The following FOXN2 variants were observed in gnomAD, a reference collection of about 807,000 sequenced individuals.
FOXN2 encodes the protein forkhead box protein N2.
In FOXN2, 19 loss-of-function variants were observed where a neutral mutation model predicts 41.2. The ratio of observed to expected loss-of-function variants is 0.46; its 90% confidence interval spans 0.32 to 0.68. FOXN2 has a LOEUF of 0.68. FOXN2 is among the 30% of genes least tolerant of loss of function. The probability of loss-of-function intolerance (pLI) is 0.03; values close to 1 mark genes in which losing one functional copy is unlikely to be tolerated. For missense variants in FOXN2, 587 were observed against 509.4 expected (o/e 1.15, Z -1.47); for synonymous variants, 195 against 176.8 (o/e 1.10, Z -0.82).
In FOXN2 at chr2:48,377,285, G is replaced by A. The variant is rs915108100; in HGVS notation, c.*1842G>A. The A allele has an allele frequency of 6.6e-6, 1 of 151,692 alleles. No individual in the cohort carries two copies. Among genetic ancestry groups the A allele is most frequent in the African/African-American group, 2.4e-5 (1 of 41,344 alleles). The allele number at this position is 151,692 out of a possible 1,614,324, so 9.4% of individuals were successfully genotyped here. A position where few individuals can be genotyped will look rare whatever the true frequency, so the allele number is the denominator to read the frequency against. ...ACCAAGTTAACTTTTATTATAGACA[G>A]TGAATAAAACACCAAAAACCCAAAA... is the stretch of plus-strand genomic sequence containing the variant. On this transcript the variant is annotated 3_prime_UTR_variant, in exon 7 of 7. Transcript: ENST00000340553.
At chr2:48,367,125 T>C (rs1433129809) in intron 5 of FOXN2, among the ~76,000 whole-genome samples, 1 of 152,136 alleles carries the variant, frequency 6.6e-6, no homozygotes, top group Non-Finnish European at 1.5e-5. Flanking sequence ...GACTTTTATG[T>C]GACAGTATCA....
intron 2 of FOXN2, among the ~76,000 whole-genome samples, chr2:48,344,843 C>CCG (rs1239910166): frequency 1.4e-5 from 1 of 70,954 alleles, no homozygotes; most frequent in Non-Finnish European, 4.0e-5. Context: ...TGGAGGTACC[C>CCG]CCCCCCCCCA....
At chr2:48,351,548 G>A (rs901217539) in intron 3 of FOXN2, among the ~76,000 whole-genome samples, 1 of 152,136 alleles carries the variant, frequency 6.6e-6, no homozygotes, top group African/African-American at 2.4e-5. Flanking sequence ...CCTGAGGTGG[G>A]GACATGGGAT....
chr2:48,333,565 A>G (rs1670156810), intron 2 of FOXN2, among the ~76,000 whole-genome samples: 1 of 152,192 alleles, frequency 6.6e-6, no homozygotes, highest in South Asian at 2.1e-4. Flanking sequence ...CATTAAATTC[A>G]TGTCCCTTAA....
chr2:48,316,153 A>C (rs1329769476), intron 1 of FOXN2, among the ~76,000 whole-genome samples: 1 of 151,660 alleles, frequency 6.6e-6, no homozygotes, highest in Non-Finnish European at 1.5e-5. Context: ...AAGCTGAACC[A>C]TTCATGCCTG....
chr2:48,350,579 T>C (rs2104401430), intron 3 of FOXN2, among the ~76,000 whole-genome samples: 1 of 152,354 alleles, frequency 6.6e-6, no homozygotes, highest in South Asian at 2.1e-4. Flanking sequence ...GTGTCTGTCC[T>C]ACACCACTAT....
At chr2:48,372,015 T>G (rs1672929078) in intron 5 of FOXN2, among the ~76,000 whole-genome samples, 1 of 152,170 alleles carries the variant, frequency 6.6e-6, no homozygotes, top group Non-Finnish European at 1.5e-5. Flanking sequence ...CATAGATGCC[T>G]TTTATTTCTT....
intron 1 of FOXN2, among the ~76,000 whole-genome samples, chr2:48,321,025 C>A (rs1299158430): frequency 6.6e-6 from 1 of 151,842 alleles, no homozygotes; most frequent in African/African-American, 2.4e-5. Flanking sequence ...TTTTAACTTG[C>A]CCCAAAGCAA....
intron 2 of FOXN2, among the ~76,000 whole-genome samples, chr2:48,333,015 T>C (rs1477291044): frequency 2.6e-5 from 4 of 152,192 alleles, no homozygotes; most frequent in Non-Finnish European, 5.9e-5. Flanking sequence ...ATTAATGAAG[T>C]TCCTTATCCT....
intron 2 of FOXN2, among the ~76,000 whole-genome samples, chr2:48,333,058 C>G (rs1342735729): frequency 6.6e-6 from 1 of 152,134 alleles, no homozygotes; most frequent in Non-Finnish European, 1.5e-5. Context: ...ATTGCCTCCT[C>G]AAGTTTCTGC....
intron 3 of FOXN2, among the ~76,000 whole-genome samples, chr2:48,350,833 T>G (rs1671400845): frequency 6.6e-6 from 1 of 152,240 alleles, no homozygotes; most frequent in South Asian, 2.1e-4. Flanking sequence ...ACATTTGGTC[T>G]TTAATAAATG....
rs1178540484 is a variant in FOXN2, at chr2:48,346,077, A to C, written c.-14-124A>C. The C allele has an allele frequency of 6.7e-6, 5 of 745,834 alleles. No homozygotes were observed. The African/African-American group carries it at 8.8e-5, about 13-fold the overall frequency. The allele number at this position is 745,834 out of a possible 1,614,324, so 46.2% of individuals were successfully genotyped here. On this transcript the variant is annotated intron_variant, in intron 2 of 6. Transcript: ENST00000340553. The stretch of plus-strand genomic sequence containing the variant: ...CTTCATTATACAAATGTTGTGCTTA[A>C]ATATTATGTGGGACAATTGATTGCA...
chr2:48,332,720 AATC>A (rs1362302490), intron 2 of FOXN2, among the ~76,000 whole-genome samples: 1 of 152,194 alleles, frequency 6.6e-6, no homozygotes, highest in African/African-American at 2.4e-5. Context: ...TAGTAGTAAT[AATC>A]ATCATTACCA....
At chr2:48,349,772 T>C (rs1233129847) in intron 3 of FOXN2, among the ~76,000 whole-genome samples, 2 of 151,402 alleles carry the variant, frequency 1.3e-5, no homozygotes, top group African/African-American at 4.8e-5. Flanking sequence ...AAAAAATAAA[T>C]AAATAAAATG....
chr2:48,368,334 G>A (rs1394335264), intron 5 of FOXN2, among the ~76,000 whole-genome samples: 1 of 152,068 alleles, frequency 6.6e-6, no homozygotes, highest in South Asian at 2.1e-4. Flanking sequence ...CCATTATGAA[G>A]TATTTTCAAA....
intron 5 of FOXN2, among the ~76,000 whole-genome samples, chr2:48,363,424 G>A (rs1020620164): frequency 3.3e-5 from 5 of 152,096 alleles, no homozygotes; most frequent in African/African-American, 1.2e-4. Flanking sequence ...TAAGGTTAAT[G>A]TATTATTGAA....
intron 5 of FOXN2, among the ~76,000 whole-genome samples, chr2:48,365,320 T>C (rs571407362): frequency 6.6e-6 from 1 of 152,330 alleles, no homozygotes; most frequent in African/African-American, 2.4e-5. Flanking sequence ...AAGACAAATA[T>C]CCGTGTTCCT....
intron 5 of FOXN2, among the ~76,000 whole-genome samples, chr2:48,368,712 G>A (rs890892070): frequency 1.3e-4 from 20 of 152,122 alleles, no homozygotes; most frequent in African/African-American, 4.3e-4. Context: ...ACGAATCAAC[G>A]AAAATAGATT....
chr2:48,315,547 T>C (rs1239394721), intron 1 of FOXN2, among the ~76,000 whole-genome samples: 2 of 152,212 alleles, frequency 1.3e-5, no homozygotes, highest in East Asian at 1.9e-4. Context: ...TGGTTACCTT[T>C]GCCTTTTAGT....
Sources: allele counts gnomAD v4.1 joint callset (sites outside exome capture counted in the v4.1 genomes callset), GRCh38; gene constraint gnomAD v4.1.1; transcripts MANE v1.5; gene names NCBI Gene and HGNC (gene_info 2026-07-23, HGNC 2026-07-21).